The following AFG2A variants were observed in gnomAD, a reference collection of about 807,000 sequenced individuals.
AFG2A encodes ATPase family gene 2 protein homolog A.
chr4:123,080,125 T>C, the AFG2A span, among the ~76,000 whole-genome samples: 1 of 152,212 alleles, frequency 6.6e-6, no homozygotes, highest in African/African-American at 2.4e-5. Context: ...GTAAAATTCA[T>C]ATATTGAAGC....
chr4:123,210,588 A>G, the AFG2A span, among the ~76,000 whole-genome samples: 1 of 152,084 alleles, frequency 6.6e-6, no homozygotes, highest in Non-Finnish European at 1.5e-5. Flanking sequence ...TCATTTGTTG[A>G]TGGACGCTTA....
the AFG2A span, among the ~76,000 whole-genome samples, chr4:123,122,716 C>T: frequency 1.3e-5 from 2 of 150,808 alleles, no homozygotes; most frequent in Non-Finnish European, 3.0e-5. Flanking sequence ...TGCCTTTATA[C>T]TAATCTCCTT....
the AFG2A span, among the ~76,000 whole-genome samples, chr4:123,065,774 C>T: frequency 2.0e-5 from 3 of 151,830 alleles, no homozygotes; most frequent in Admixed American, 1.3e-4. Context: ...TGAGAAATCA[C>T]CAACTACAGG....
chr4:123,211,540 G>A, the AFG2A span, among the ~76,000 whole-genome samples: 1 of 152,178 alleles, frequency 6.6e-6, no homozygotes, highest in East Asian at 1.9e-4. Context: ...CATACAAGCT[G>A]GAAAGCACCC....
At chr4:122,950,855 G>C in the AFG2A span, among the ~76,000 whole-genome samples, 1 of 152,206 alleles carries the variant, frequency 6.6e-6, no homozygotes, top group Non-Finnish European at 1.5e-5. Context: ...TCTGGTATCA[G>C]GTGGCAAGGG....
At chr4:122,929,528 T>C in the AFG2A span, among the ~76,000 whole-genome samples, 1 of 151,998 alleles carries the variant, frequency 6.6e-6, no homozygotes, top group Non-Finnish European at 1.5e-5. Flanking sequence ...ACCCTGTCTC[T>C]ACAAAAAATA....
chr4:123,175,397 T>C, the AFG2A span, among the ~76,000 whole-genome samples: 1 of 152,202 alleles, frequency 6.6e-6, no homozygotes, highest in African/African-American at 2.4e-5. Flanking sequence ...AGAGAGATGT[T>C]CAACCTTATG....
chr4:123,243,297 C>T, the AFG2A span, among the ~76,000 whole-genome samples: 6,601 of 152,194 alleles, frequency 0.043, 484 homozygotes, highest in African/African-American at 0.15. Flanking sequence ...CACATGCACA[C>T]GTATGTTTAT....
At chr4:123,120,537 G>A in the AFG2A span, among the ~76,000 whole-genome samples, 3 of 152,170 alleles carry the variant, frequency 2.0e-5, no homozygotes, top group Admixed American at 6.5e-5. Context: ...TGGTGAGTGA[G>A]GGTTGTTACT....
the AFG2A span, among the ~76,000 whole-genome samples, chr4:123,233,910 A>G: frequency 6.6e-6 from 1 of 152,242 alleles, no homozygotes; most frequent in South Asian, 2.1e-4. Flanking sequence ...TGTCAGAAAC[A>G]GCTTATAGGT....
At chr4:123,181,284 C>T in the AFG2A span, among the ~76,000 whole-genome samples, 1 of 151,742 alleles carries the variant, frequency 6.6e-6, no homozygotes, top group African/African-American at 2.4e-5. Context: ...GCGCCCGGCC[C>T]TCCTCCTCTA....
chr4:123,067,735 A>G, the AFG2A span, among the ~76,000 whole-genome samples: 1 of 152,156 alleles, frequency 6.6e-6, no homozygotes, highest in Non-Finnish European at 1.5e-5. Context: ...GGAAAATAGA[A>G]TCAGTATAAT....
the AFG2A span, among the ~76,000 whole-genome samples, chr4:123,084,614 G>GTA: frequency 0.019 from 2,797 of 148,616 alleles, 65 homozygotes; most frequent in African/African-American, 0.054. Flanking sequence ...GTGTGTGTGT[G>GTA]TATATATATA....
the AFG2A span, among the ~76,000 whole-genome samples, chr4:123,128,774 A>G: frequency 1.3e-5 from 2 of 152,040 alleles, no homozygotes; most frequent in Non-Finnish European, 2.9e-5. Context: ...CACAGACTAG[A>G]CCTGTGTGTG....
At chr4:123,245,660 C>T in the AFG2A span, among the ~76,000 whole-genome samples, 2 of 152,104 alleles carry the variant, frequency 1.3e-5, no homozygotes, top group African/African-American at 2.4e-5. Flanking sequence ...TACTGTGGTG[C>T]ATTTTTCCTG....
At chr4:123,105,034 A>G in the AFG2A span, among the ~76,000 whole-genome samples, 4 of 152,240 alleles carry the variant, frequency 2.6e-5, no homozygotes, top group Non-Finnish European at 5.9e-5. Flanking sequence ...TTAGAAGAAG[A>G]TGGTAATCTA....
At chr4:123,075,976 C>CAAAAAAAAAACAAAAA in the AFG2A span, among the ~76,000 whole-genome samples, 1 of 135,094 alleles carries the variant, frequency 7.4e-6, no homozygotes, top group Non-Finnish European at 1.6e-5. Context: ...ACAACAACAA[C>CAAAAAAAAAACAAAAA]AAAAAAAAAA....
the AFG2A span, among the ~76,000 whole-genome samples, chr4:123,292,384 G>A: frequency 6.6e-6 from 1 of 152,058 alleles, no homozygotes; most frequent in African/African-American, 2.4e-5. Flanking sequence ...ATTTTGTTTT[G>A]GTTTGGATCT....
chr4:122,986,948 G>A, the AFG2A span, among the ~76,000 whole-genome samples: 2 of 151,960 alleles, frequency 1.3e-5, no homozygotes, highest in South Asian at 4.1e-4. Flanking sequence ...CTGTATAGCT[G>A]TATGTTACTC....
Sources: allele counts gnomAD v4.1 joint callset (sites outside exome capture counted in the v4.1 genomes callset), GRCh38; gene constraint gnomAD v4.1.1; transcripts MANE v1.5; gene names NCBI Gene and HGNC (gene_info 2026-07-23, HGNC 2026-07-21).